RBFOX1: variants seen among roughly 807,000 people sequenced by gnomAD.
RBFOX1 encodes RNA binding protein fox-1 homolog 1.
RBFOX1 carries 8 observed loss-of-function variants against 57.7 expected under a neutral mutation model. That is an observed-to-expected ratio of 0.14 (90% confidence interval 0.08 to 0.25). The LOEUF (loss-of-function observed/expected upper bound fraction) is 0.25. RBFOX1 is among the 10% of genes least tolerant of loss of function. The pLI, the probability that RBFOX1 is intolerant of heterozygous loss-of-function variation, is 1.00. For synonymous variants in RBFOX1, 326 were observed against 222.4 expected, an observed-to-expected ratio of 1.47 and a Z score of -4.15; for missense variants, 611 against 548.5, an observed-to-expected ratio of 1.11 and a Z score of -1.14.
chr16:6,539,687 C>G (rs2096784681), intron 2 of RBFOX1, among the ~76,000 whole-genome samples: 1 of 151,900 alleles, frequency 6.6e-6, no homozygotes, highest in Non-Finnish European at 1.5e-5. Flanking sequence ...AGTCCCAGCT[C>G]CACGGGAGGC....
intron 4 of RBFOX1, among the ~76,000 whole-genome samples, chr16:7,145,391 C>G (rs899309): frequency 0.91 from 138,535 of 152,116 alleles, 63,287 homozygotes; most frequent in East Asian, 1. Context: ...ATTTTAAATA[C>G]AGACGGGGTT....
At chr16:6,315,768 G>A (rs2152773982) in intron 1 of RBFOX1, among the ~76,000 whole-genome samples, 1 of 152,236 alleles carries the variant, frequency 6.6e-6, no homozygotes, top group Admixed American at 6.5e-5. Flanking sequence ...CTATTCTTGG[G>A]TCTCTCTGCA....
intron 4 of RBFOX1, among the ~76,000 whole-genome samples, chr16:5,999,094 G>A (rs1409366440): frequency 6.6e-6 from 1 of 152,174 alleles, no homozygotes; most frequent in East Asian, 1.9e-4. Flanking sequence ...GAGTGAAGAA[G>A]GAGGCTCAGG....
At chr16:5,524,642 T>C (rs1487821882) in intron 2 of RBFOX1, among the ~76,000 whole-genome samples, 3 of 151,566 alleles carry the variant, frequency 2.0e-5, no homozygotes, top group African/African-American at 7.3e-5. Context: ...CTGGGTTCCG[T>C]CAGTCCTCCT....
chr16:5,931,523 C>T (rs2152248520), intron 4 of RBFOX1, among the ~76,000 whole-genome samples: 1 of 152,264 alleles, frequency 6.6e-6, no homozygotes, highest in East Asian at 1.9e-4. Context: ...CGTAGCCCTG[C>T]ATGCTCAACC....
intron 3 of RBFOX1, among the ~76,000 whole-genome samples, chr16:5,841,298 A>T (rs760671169): frequency 3.3e-5 from 5 of 152,144 alleles, no homozygotes; most frequent in Non-Finnish European, 5.9e-5. Context: ...CAGGATTTGA[A>T]CCCACACAGC....
At chr16:5,999,113 G>T (rs2060541834) in intron 4 of RBFOX1, among the ~76,000 whole-genome samples, 1 of 152,148 alleles carries the variant, frequency 6.6e-6, no homozygotes, top group South Asian at 2.1e-4. Flanking sequence ...GGAGTCATTA[G>T]CAATTCATTA....
At chr16:5,459,226 C>G (rs373101673) in intron 1 of RBFOX1, among the ~76,000 whole-genome samples, 155 of 152,278 alleles carry the variant, frequency 1.0e-3, no homozygotes, top group African/African-American at 3.4e-3. Context: ...CAGATATGAC[C>G]CTTGTCCTCT....
At chr16:5,272,861 A>G (rs962399137) in intron 1 of RBFOX1, among the ~76,000 whole-genome samples, 1 of 152,216 alleles carries the variant, frequency 6.6e-6, no homozygotes, top group Non-Finnish European at 1.5e-5. Flanking sequence ...AAAAGTATGT[A>G]GTTGAGCTGA....
At chr16:6,821,095 C>T (rs979341753) in intron 3 of RBFOX1, among the ~76,000 whole-genome samples, 1 of 152,138 alleles carries the variant, frequency 6.6e-6, no homozygotes, top group African/African-American at 2.4e-5. Context: ...GTTAAAGTAT[C>T]AAGCCACTAC....
intron 14 of RBFOX1, among the ~76,000 whole-genome samples, chr16:7,697,486 C>A (rs1312600559): frequency 1.3e-5 from 2 of 149,388 alleles, no homozygotes; most frequent in African/African-American, 4.9e-5. Context: ...ATTTATTGAG[C>A]AAATTATGTG....
chr16:7,399,827 T>A (rs938549551), intron 4 of RBFOX1, among the ~76,000 whole-genome samples: 10 of 152,208 alleles, frequency 6.6e-5, no homozygotes, highest in African/African-American at 2.2e-4. Flanking sequence ...ACATACCTGT[T>A]GTGGGGACAA....
At chr16:7,158,364 A>G (rs1184339452) in intron 4 of RBFOX1, among the ~76,000 whole-genome samples, 1 of 152,182 alleles carries the variant, frequency 6.6e-6, no homozygotes, top group Admixed American at 6.5e-5. Flanking sequence ...AAGAAAAACT[A>G]CAGGGTTAGG....
chr16:7,164,533 C>A (rs567248824), intron 4 of RBFOX1, among the ~76,000 whole-genome samples: 1 of 152,214 alleles, frequency 6.6e-6, no homozygotes, highest in South Asian at 2.1e-4. Flanking sequence ...AAATCCAAAC[C>A]AGAAAAGAGT....
At chr16:6,195,836 A>T (rs1222014586) in intron 1 of RBFOX1, among the ~76,000 whole-genome samples, 2 of 152,170 alleles carry the variant, frequency 1.3e-5, no homozygotes, top group African/African-American at 4.8e-5. Flanking sequence ...GTAGCCATTT[A>T]AGAGCCTTCA....
chr16:6,103,293 C>T (rs908237509), intron 1 of RBFOX1, among the ~76,000 whole-genome samples: 1 of 152,016 alleles, frequency 6.6e-6, no homozygotes, highest in Non-Finnish European at 1.5e-5. Flanking sequence ...TTCTGCAGTA[C>T]TCATATGACA....
chr16:6,736,907 A>G (rs1239485525), intron 3 of RBFOX1, among the ~76,000 whole-genome samples: 2 of 152,148 alleles, frequency 1.3e-5, no homozygotes, highest in Non-Finnish European at 2.9e-5. Flanking sequence ...CTTAGCAGGG[A>G]GGAGTGCTGT....
At chr16:6,344,901 G>C (rs1309053427) in intron 2 of RBFOX1, among the ~76,000 whole-genome samples, 1 of 151,742 alleles carries the variant, frequency 6.6e-6, no homozygotes, top group African/African-American at 2.4e-5. Flanking sequence ...AGGTTGGCCA[G>C]GCTGGTCTTG....
chr16:7,131,757 T>C (rs2070476743), intron 4 of RBFOX1, among the ~76,000 whole-genome samples: 1 of 152,006 alleles, frequency 6.6e-6, no homozygotes, highest in Non-Finnish European at 1.5e-5. Flanking sequence ...GCCACTCAGG[T>C]TCTCTGAAGG....
Sources: allele counts gnomAD v4.1 joint callset (sites outside exome capture counted in the v4.1 genomes callset), GRCh38; gene constraint gnomAD v4.1.1; transcripts MANE v1.5; gene names NCBI Gene and HGNC (gene_info 2026-07-23, HGNC 2026-07-21).